SLC24A5: variants seen among roughly 807,000 people sequenced by gnomAD.
SLC24A5 encodes solute carrier family 24 member 5, also known as sodium/potassium/calcium exchanger 5.
A neutral mutation model predicts 51.6 loss-of-function variants in SLC24A5; 46 were observed. That is an observed-to-expected ratio of 0.89 (90% CI 0.70 to 1.14). SLC24A5 has a LOEUF of 1.14. Among genes scored for constraint, SLC24A5 ranks in the 50% most tolerant of loss-of-function variants. The probability of loss-of-function intolerance (pLI) is 0.00; values close to 1 mark genes in which losing one functional copy is unlikely to be tolerated. For synonymous variants in SLC24A5, 230 were observed against 214.9 expected (o/e 1.07, Z -0.62); for missense variants, 581 against 604.1 (o/e 0.96, Z 0.40).
At chr15:48,127,525 A>G (rs1430551571) in intron 2 of SLC24A5, among the ~76,000 whole-genome samples, 1 of 152,226 alleles carries the variant, frequency 6.6e-6, no homozygotes, top group South Asian at 2.1e-4. Flanking sequence ...TATCTCTGGA[A>G]TATTCTGTTT....
intron 5 of SLC24A5, chr15:48,135,948 T>G (rs1001360056): frequency 2.0e-5 from 3 of 152,086 alleles, no homozygotes; most frequent in Non-Finnish European, 4.4e-5. Flanking sequence ...CTTCCTCCAT[T>G]AGGGAAATCA....
chr15:48,138,418 A>G (rs1382582083), intron 6 of SLC24A5: 1 of 152,186 alleles, frequency 6.6e-6, no homozygotes, highest in Admixed American at 6.5e-5. Flanking sequence ...GAACTGTGGT[A>G]AAGTCTGAAT....
Position 48,124,536 on chromosome 15 carries a change from T to G in SLC24A5, c.301+2500T>G, listed in dbSNP as rs181661819. On this transcript the variant is annotated intron_variant, in intron 2 of 8. Coordinates refer to ENST00000341459, the MANE Select transcript of SLC24A5 (RefSeq NM_205850.3). ...TAATTTCCATTTCTAATGACTTAAC[T>G]GAACAATGACATGACTGAAAAAATA... 3.1e-4 allele frequency: 47 copies of G among 152,260 alleles called. No homozygotes were observed. In the East Asian group the frequency reaches 7.9e-3, roughly 26 times the overall value. 9.4% of individuals were successfully genotyped at this position (152,260 alleles called of 1,614,324 possible).
intron 2 of SLC24A5, among the ~76,000 whole-genome samples, chr15:48,132,178 C>T (rs898281970): frequency 1.3e-5 from 2 of 152,140 alleles, no homozygotes; most frequent in African/African-American, 4.8e-5. Context: ...CTAGCCTCTA[C>T]CTCAATACCT....
At chr15:48,123,956 T>G (rs1177599883) in intron 2 of SLC24A5, 2 of 152,120 alleles carry the variant, frequency 1.3e-5, no homozygotes, top group East Asian at 3.8e-4. Context: ...TTTTGTGTTT[T>G]TTTGCCCATA....
chr15:48,122,248 G>A lies in SLC24A5; in HGVS notation c.301+212G>A, dbSNP rs901753747. 5.0e-5 allele frequency: 30 copies of A among 598,470 alleles called. No individual in the cohort carries two copies. In the Admixed American group the frequency reaches 5.6e-4, roughly 11 times the overall value. 37.1% of individuals were successfully genotyped at this position (598,470 alleles called of 1,614,324 possible). A position where few individuals can be genotyped will look rare whatever the true frequency, so the allele number is the denominator to read the frequency against. ...TCAGAGTTTCTTCAAGTTAGAACCC[G>A]GCAGTTATTATTTTTCTGCCTATTT... On this transcript the variant is annotated intron_variant, in intron 2 of 8. Coordinates refer to ENST00000341459, the MANE Select transcript of SLC24A5 (RefSeq NM_205850.3).
chr15:48,141,593 C>CA (rs202102577), intron 8 of SLC24A5: 11,811 of 104,514 alleles, frequency 0.11, 1,172 homozygotes, highest in East Asian at 0.44. Flanking sequence ...AAACAAAAAC[C>CA]AAAAAAAAAA....
Position 48,121,848 on chromosome 15 carries a change from C to T in SLC24A5, c.122-9C>T. 1.2e-6 allele frequency: 2 copies of T among 1,613,982 alleles called. No homozygotes were observed. Among genetic ancestry groups the T allele is most frequent in the East Asian group, 2.2e-5 (1 of 44,882 alleles). On this transcript the variant is annotated splice_polypyrimidine_tract_variant and intron_variant, in intron 1 of 8. Coordinates refer to ENST00000341459, the MANE Select transcript of SLC24A5 (RefSeq NM_205850.3). ...ACTCTTCAAACTTTCACCTCCTTTT[C>T]CTTAACAGGAAATAGCACCCAATGT...
chr15:48,121,204 G>A, intron 1 of SLC24A5, 39 bp downstream of exon 1: 1 of 1,543,786 alleles, frequency 6.5e-7, no homozygotes, highest in Non-Finnish European at 8.7e-7. Flanking sequence ...TGCAGCAGCA[G>A]CTGCTGCTGC....
rs372560638 is a variant in SLC24A5, at chr15:48,122,041, G to C, written c.301+5G>C. 1.2e-6 allele frequency: 2 copies of C among 1,613,998 alleles called. No homozygotes were observed. Among genetic ancestry groups the C allele is most frequent in the African/African-American group, 2.7e-5 (2 of 74,932 alleles). On this transcript the variant is annotated splice_donor_5th_base_variant and intron_variant, in intron 2 of 8. Transcript: ENST00000341459. Reference sequence around the variant, plus strand: ...CCCTGGAAATCATCAGTGAATGTAAGTGGCTGGAAAGTTGCCCTGTAACCT... The same window carrying C: ...CCCTGGAAATCATCAGTGAATGTAACTGGCTGGAAAGTTGCCCTGTAACCT...
intron 2 of SLC24A5, chr15:48,123,881 T>C (rs1464641354): frequency 1.3e-5 from 2 of 152,154 alleles, no homozygotes; most frequent in African/African-American, 4.8e-5. Context: ...TTTATAAAAT[T>C]TGTGTTTATC....
intron 6 of SLC24A5, 28 bp downstream of exon 6, chr15:48,136,991 A>T (rs1177530321): frequency 6.3e-7 from 1 of 1,576,434 alleles, no homozygotes; most frequent in African/African-American, 1.4e-5. Flanking sequence ...CCCATTATTA[A>T]GTCTATTCGC....
At chr15:48,138,676 T>C (rs560635741) in intron 6 of SLC24A5, 82 of 267,070 alleles carry the variant, frequency 3.1e-4, no homozygotes, top group Non-Finnish European at 5.5e-4. Context: ...AGATGTCCAA[T>C]TGACACTTCA....
Position 48,134,275 on chromosome 15 carries a change from G to A in SLC24A5, c.319G>A (p.Asp107Asn), listed in dbSNP as rs926094426. 6.2e-7 allele frequency: 1 copy of A among 1,613,530 alleles called. No individual in the cohort carries two copies. Among genetic ancestry groups the A allele is most frequent in the African/African-American group, 1.3e-5 (1 of 74,940 alleles). ...ATGTTCAGCCCTTGGATTGTCTCAG[G>A]ATGTTGCAGGCACAACTTTCATGGC... Reference protein sequence around the residue: ...IISESLGLSQDVAGTTFMAAG... With the variant: ...IISESLGLSQNVAGTTFMAAG... The change falls in exon 3 of 9, where the codon GAT becomes AAT. Residue 107 changes from aspartate to asparagine, a missense_variant. Coordinates refer to ENST00000341459, the MANE Select transcript of SLC24A5 (RefSeq NM_205850.3).
In SLC24A5 at chr15:48,142,257, TCTGC is replaced by T. The variant is rs1195116971; in HGVS notation, c.1412_1415del (p.Cys471TyrfsTer24). 2 of 1,613,508 alleles carry T rather than the reference TCTGC, an allele frequency of 1.2e-6. No individual in the cohort carries two copies. The highest frequency in any genetic ancestry group is 4.5e-5 in the East Asian group (2 of 44,800). On this transcript the variant is annotated frameshift_variant, in exon 9 of 9. Transcript: ENST00000341459. LOFTEE classifies it high-confidence loss of function. ...AAACTAGACAGAAAGTTGGGAATAG[TCTGC>T]CTATTATCATACTTGGGGCTTGCTA...
chr15:48,128,717 A>C (rs2038757880), intron 2 of SLC24A5, among the ~76,000 whole-genome samples: 1 of 152,138 alleles, frequency 6.6e-6, no homozygotes, highest in South Asian at 2.1e-4. Flanking sequence ...AGAGTATTTC[A>C]TCCTCTTTGT....
intron 2 of SLC24A5, chr15:48,123,662 G>A (rs997070063): frequency 6.6e-6 from 1 of 152,040 alleles, no homozygotes; most frequent in Non-Finnish European, 1.5e-5. Context: ...TTGTGTTAAT[G>A]TCATGCCCAT....
chr15:48,130,944 G>A (rs1157201725), intron 2 of SLC24A5, among the ~76,000 whole-genome samples: 2 of 151,988 alleles, frequency 1.3e-5, no homozygotes, highest in South Asian at 4.2e-4. Context: ...ACAGGCTCAG[G>A]GTTTATGCCC....
intron 2 of SLC24A5, among the ~76,000 whole-genome samples, chr15:48,132,531 G>T (rs2038801059): frequency 6.6e-6 from 1 of 152,042 alleles, no homozygotes; most frequent in African/African-American, 2.4e-5. Context: ...ACAAATAAAT[G>T]AACCACCAGA....
Sources: allele counts gnomAD v4.1 joint callset (sites outside exome capture counted in the v4.1 genomes callset), GRCh38; gene constraint gnomAD v4.1.1; transcripts MANE v1.5; gene names NCBI Gene and HGNC (gene_info 2026-07-23, HGNC 2026-07-21).